Variants in NFIB observed in about 807,000 individuals in gnomAD.
NFIB encodes nuclear factor 1 B-type.
In NFIB, 11 loss-of-function variants were observed where a neutral mutation model predicts 61.5. That is an observed-to-expected ratio of 0.18 (90% CI 0.11 to 0.30). The LOEUF is 0.30. Among genes scored for constraint, NFIB ranks in the 10% least tolerant of loss-of-function variants. The probability of loss-of-function intolerance (pLI) is 1.00; values close to 1 mark genes in which losing one functional copy is unlikely to be tolerated. For synonymous variants in NFIB, 260 were observed against 216.5 expected (o/e 1.20, Z -1.76); for missense variants, 471 against 608.9 (o/e 0.77, Z 2.38).
intron 2 of NFIB, among the ~76,000 whole-genome samples, chr9:14,275,071 G>C (rs2057902724): frequency 6.6e-6 from 1 of 152,086 alleles, no homozygotes; most frequent in Admixed American, 6.6e-5. Flanking sequence ...AAATCCAGTG[G>C]GCGAACTATC....
At chr9:14,187,261 T>TTTG (rs561590258) in intron 2 of NFIB, among the ~76,000 whole-genome samples, 5,581 of 151,730 alleles carry the variant, frequency 0.037, 304 homozygotes, top group African/African-American at 0.12. Flanking sequence ...TTGTTTGTTT[T>TTTG]TTTAGTGAAT....
intron 1 of NFIB, among the ~76,000 whole-genome samples, chr9:14,325,982 A>G (rs902785280): frequency 4.6e-5 from 7 of 152,110 alleles, no homozygotes; most frequent in Non-Finnish European, 8.8e-5. Flanking sequence ...TTATTGCCTC[A>G]GGCAATAGTT....
At chr9:14,519,332 T>G in the NFIB span, among the ~76,000 whole-genome samples, 16 of 152,220 alleles carry the variant, frequency 1.1e-4, no homozygotes, top group Admixed American at 3.9e-4. Flanking sequence ...AAGTTTATCA[T>G]TGAGTTTAGG....
At chr9:14,189,576 A>G (rs2047715886) in intron 2 of NFIB, among the ~76,000 whole-genome samples, 1 of 146,308 alleles carries the variant, frequency 6.8e-6, no homozygotes, top group Non-Finnish European at 1.5e-5. Flanking sequence ...TTAAGGTTTA[A>G]TTAGTACTCC....
chr9:14,432,045 T>C, the NFIB span, among the ~76,000 whole-genome samples: 1 of 152,204 alleles, frequency 6.6e-6, no homozygotes, highest in Non-Finnish European at 1.5e-5. Flanking sequence ...GCAATGCTCT[T>C]ACTGTGAGAC....
Position 14,375,328 on chromosome 9 carries a change from C to T in NFIB, c.108+23196G>A, listed in dbSNP as rs1363143560. The stretch of plus-strand genomic sequence containing the variant: ...AAGGCAAAATGAGAACCCCTCCTAG[C>T]TTAGTTAGTTCCTTTTAAGGAGCTT... On this transcript the variant is annotated intron_variant, in intron 1 of 8. Coordinates refer to the NFIB transcript ENST00000380934. Among the ~76,000 whole-genome samples the T allele has an allele frequency of 2.0e-5, 3 of 152,182 alleles. No individual in the cohort carries two copies. The East Asian group carries it at 5.8e-4, about 29-fold the overall frequency.
chr9:14,185,395 A>T (rs1468726170), intron 2 of NFIB, among the ~76,000 whole-genome samples: 2 of 152,184 alleles, frequency 1.3e-5, no homozygotes, highest in African/African-American at 4.8e-5. Context: ...TATGCCATTC[A>T]TGGCACCTTG....
chr9:14,420,950 C>G, the NFIB span, among the ~76,000 whole-genome samples: 1 of 151,914 alleles, frequency 6.6e-6, no homozygotes, highest in East Asian at 1.9e-4. Flanking sequence ...TGAGAGTAAG[C>G]CATTTTTTTT....
intron 1 of NFIB, among the ~76,000 whole-genome samples, chr9:14,312,611 G>C (rs2060333916): frequency 6.6e-6 from 1 of 152,130 alleles, no homozygotes; most frequent in Non-Finnish European, 1.5e-5. Context: ...TGACCGTCTG[G>C]CTTAAAGTGA....
intron 6 of NFIB, among the ~76,000 whole-genome samples, chr9:14,137,103 C>T (rs6474819): frequency 0.025 from 3,819 of 152,106 alleles, 171 homozygotes; most frequent in African/African-American, 0.086. Context: ...TCAATGAAAC[C>T]GAATATTGTC....
the NFIB span, among the ~76,000 whole-genome samples, chr9:14,468,587 G>T: frequency 6.6e-6 from 1 of 152,278 alleles, no homozygotes; most frequent in African/African-American, 2.4e-5. Flanking sequence ...GCTCTAATTT[G>T]CTCCTCTTTC....
At chr9:14,211,051 T>G (rs1294840745) in intron 2 of NFIB, among the ~76,000 whole-genome samples, 9 of 152,184 alleles carry the variant, frequency 5.9e-5, no homozygotes, top group African/African-American at 2.2e-4. Context: ...CAACAATCAT[T>G]CCCTAAAAAT....
intron 1 of NFIB, among the ~76,000 whole-genome samples, chr9:14,322,633 G>A (rs563184842): frequency 1.6e-3 from 240 of 152,142 alleles, no homozygotes; most frequent in African/African-American, 5.4e-3. Flanking sequence ...GCGGCTCTTC[G>A]CTTCCGCCTG....
intron 3 of NFIB, among the ~76,000 whole-genome samples, chr9:14,175,929 G>A (rs1382434882): frequency 1.3e-5 from 2 of 152,154 alleles, no homozygotes; most frequent in African/African-American, 2.4e-5. Context: ...GCAAAAATCT[G>A]AATTCTAGAT....
the NFIB span, among the ~76,000 whole-genome samples, chr9:14,443,015 A>C: frequency 2.7e-5 from 4 of 150,624 alleles, no homozygotes; most frequent in African/African-American, 9.7e-5. Context: ...AGATCTTTAA[A>C]TCTAACCCAA....
At chr9:14,184,558 G>C (rs964427408) in intron 2 of NFIB, among the ~76,000 whole-genome samples, 1 of 152,140 alleles carries the variant, frequency 6.6e-6, no homozygotes, top group Non-Finnish European at 1.5e-5. Flanking sequence ...TCTGGTGGAA[G>C]CTCTGTAAGA....
the NFIB span, among the ~76,000 whole-genome samples, chr9:14,528,908 T>C: frequency 1.9e-4 from 29 of 152,298 alleles, no homozygotes; most frequent in South Asian, 1.4e-3. Flanking sequence ...CCAAGTGGTA[T>C]TTTTAAATAA....
chr9:14,371,708 C>G (rs977619993), intron 1 of NFIB, among the ~76,000 whole-genome samples: 1 of 152,170 alleles, frequency 6.6e-6, no homozygotes, highest in Non-Finnish European at 1.5e-5. Context: ...ACAGGAGTGG[C>G]CATTCCTATT....
the NFIB span, among the ~76,000 whole-genome samples, chr9:14,529,872 C>G: frequency 6.6e-6 from 1 of 152,132 alleles, no homozygotes; most frequent in Admixed American, 6.5e-5. Flanking sequence ...ATCTTCTCAG[C>G]AATAAAAGAC....
Sources: allele counts gnomAD v4.1 joint callset (sites outside exome capture counted in the v4.1 genomes callset), GRCh38; gene constraint gnomAD v4.1.1; transcripts MANE v1.5; gene names NCBI Gene and HGNC (gene_info 2026-07-23, HGNC 2026-07-21).